The following PLIN4 variants were observed in gnomAD, a reference collection of about 807,000 sequenced individuals.
PLIN4 encodes perilipin 4, also known as perilipin-4.
PLIN4 carries 57 observed loss-of-function variants against 52.4 expected under a neutral mutation model. That is an observed-to-expected ratio of 1.09 (90% CI 0.88 to 1.36). The LOEUF (loss-of-function observed/expected upper bound fraction) is 1.36, where lower values mean the gene tolerates loss of function less well. PLIN4 is among the 40% of genes most tolerant of loss of function. The pLI is 0.00. For synonymous variants in PLIN4, 826 were observed against 785.4 expected (o/e 1.05, Z -0.86); for missense variants, 1,757 against 1,770.3 (o/e 0.99, Z 0.13).
Position 4,510,430 on chromosome 19 carries a change from C to G in PLIN4, c.3514+16G>C, listed in dbSNP as rs1356397360. 7.1e-7 allele frequency: 1 copy of G among 1,399,794 alleles called. No individual in the cohort carries two copies. The highest frequency in any genetic ancestry group is 9.3e-7 in the Non-Finnish European group (1 of 1,072,566). The allele number at this position is 1,399,794 out of a possible 1,614,324, so 86.7% of individuals were successfully genotyped here. On this transcript the variant is annotated intron_variant, in intron 5 of 7. Coordinates refer to ENST00000301286, the MANE Select transcript of PLIN4 (RefSeq NM_001367868.2). ...GTGCCTGCCTCAGGGACCCATGAACCCAGGCGTCCCCTCACCTTGCTCCTC... is the reference window on the plus strand; with the variant it reads ...GTGCCTGCCTCAGGGACCCATGAACGCAGGCGTCCCCTCACCTTGCTCCTC...
chr19:4,502,282 T>G lies in PLIN4; in HGVS notation c.*2177A>C. The G allele has an allele frequency of 1.9e-6, 1 of 522,502 alleles. No individual in the cohort carries two copies. Among genetic ancestry groups the G allele is most frequent in the South Asian group, 1.8e-5 (1 of 56,710 alleles). 32.4% of individuals were successfully genotyped at this position (522,502 alleles called of 1,614,324 possible). On this transcript the variant is annotated 3_prime_UTR_variant, in exon 8 of 8. Coordinates refer to ENST00000301286, the MANE Select transcript of PLIN4 (RefSeq NM_001367868.2). Reference sequence around the variant, plus strand: ...GCCTGAGCTGGGGCGCAGGCGGCAGTGTCACTGGGCCCGTTTGGGACTGGG... The same window carrying G: ...GCCTGAGCTGGGGCGCAGGCGGCAGGGTCACTGGGCCCGTTTGGGACTGGG...
At position 4,517,704 on chromosome 19, in the gene PLIN4, TG is replaced by T. The variant is rs1475802719; in HGVS notation, c.52-7del. ...CCAAAGAAGCTGCCCAGGGTCTGCATGGGGGCGGGGGGTGTGCAGGATGAGC... is the reference window on the plus strand; with the variant it reads ...CCAAAGAAGCTGCCCAGGGTCTGCATGGGGCGGGGGGTGTGCAGGATGAGC... On this transcript the variant is annotated splice_polypyrimidine_tract_variant and splice_region_variant and intron_variant, in intron 2 of 7. Coordinates refer to ENST00000301286, the MANE Select transcript of PLIN4 (RefSeq NM_001367868.2). 7 of 1,578,576 alleles carry T rather than the reference TG, an allele frequency of 4.4e-6. No homozygotes were observed. Among genetic ancestry groups the T allele is most frequent in the East Asian group, 2.3e-5 (1 of 43,128 alleles).
rs747925573 is a variant in PLIN4, at chr19:4,511,445, C to T, written c.2515G>A (p.Ala839Thr). 5.9e-6 allele frequency: 9 copies of T among 1,533,254 alleles called. No homozygotes were observed. Among genetic ancestry groups the T allele is most frequent in the Non-Finnish European group, 8.0e-6 (9 of 1,121,504 alleles). The allele number at this position is 1,533,254 out of a possible 1,614,324, so 95.0% of individuals were successfully genotyped here. A position where few individuals can be genotyped will look rare whatever the true frequency, so the allele number is the denominator to read the frequency against. ...ACAGCACCCTTGGCCACGTTCGCAG[C>T]ACCGGTGACCCCACTGCAGACAGTG... is the stretch of plus-strand genomic sequence containing the variant. ...KDTVCSGVTG[A>T]ANVAKGAVQT... Residue 839 changes from alanine (A) to threonine (T), a missense_variant, in exon 5 of 8, where the codon GCT becomes ACT. Transcript: ENST00000301286.
intron 4 of PLIN4, among the ~76,000 whole-genome samples, 165 bp from the exon 5 acceptor site, chr19:4,513,866 G>A (rs758211539): frequency 3.3e-5 from 5 of 152,158 alleles, no homozygotes; most frequent in African/African-American, 9.7e-5. Context: ...CCCCGACCCC[G>A]GTCAGCCAGA....
At chr19:4,508,683 G>A (rs910402836) in intron 6 of PLIN4, 85 bp downstream of exon 6, 2 of 1,378,538 alleles carry the variant, frequency 1.5e-6, no homozygotes, top group Non-Finnish European at 2.0e-6. Context: ...TAGGTGCTCA[G>A]TCAGTATCTG....
In PLIN4 at chr19:4,504,220, A is replaced by G; in HGVS notation, c.*239T>C. 1 of 445,666 alleles carries G rather than the reference A, an allele frequency of 2.2e-6. No homozygotes were observed. Among genetic ancestry groups the G allele is most frequent in the Non-Finnish European group, 3.9e-6 (1 of 253,664 alleles). 27.6% of individuals were successfully genotyped at this position (445,666 alleles called of 1,614,324 possible). On this transcript the variant is annotated 3_prime_UTR_variant, in exon 8 of 8. Coordinates refer to ENST00000301286, the MANE Select transcript of PLIN4 (RefSeq NM_001367868.2). Reference sequence around the variant, plus strand: ...GGTCTGAGTGACCCCAGGCTCCGAGAGGGGCAGGCAGCGCTGGGGAGGAGG... The same window carrying G: ...GGTCTGAGTGACCCCAGGCTCCGAGGGGGGCAGGCAGCGCTGGGGAGGAGG...
In PLIN4 at chr19:4,517,521, C is replaced by T. The variant is rs553807519; in HGVS notation, c.196+33G>A. On this transcript the variant is annotated intron_variant, in intron 3 of 7. Transcript: ENST00000301286. ...CTTCTCCCAGGTCCATGTGTAGAGT[C>T]CCCCCACGCCCCCAGCTGGGCCAGC... 12 of 1,586,516 alleles carry T rather than the reference C, an allele frequency of 7.6e-6. No homozygotes were observed. The East Asian group carries it at 2.0e-4, about 27-fold the overall frequency.
chr19:4,513,300 G>C lies in PLIN4; in HGVS notation c.660C>G (p.Val220=). Residue 220 remains valine (V), a synonymous_variant, in exon 5 of 8, where the codon GTC becomes GTG. Transcript: ENST00000301286. ...CCTTGGAGGTTTCCACGCCAGTCTG[G>C]ACAGTCCCTTTGGCCAAGTTCACTG... The part of the protein sequence containing the change: ...MGAVNLAKGT[V]QTGVETSKAV... The C allele has an allele frequency of 1.2e-6, 2 of 1,613,574 alleles. No individual in the cohort carries two copies. Among genetic ancestry groups the C allele is most frequent in the Non-Finnish European group, 8.5e-7 (1 of 1,179,824 alleles).
rs1975961115 is a variant in PLIN4, at chr19:4,502,751, A to G, written c.*1708T>C. ...TCGGGGCTTCTCTTTCCTCCTCTGC[A>G]TAAGGGGCTGTCACGTGGGCACGGT... On this transcript the variant is annotated 3_prime_UTR_variant, in exon 8 of 8. Coordinates refer to ENST00000301286, the MANE Select transcript of PLIN4 (RefSeq NM_001367868.2). 1 of 154,810 alleles carries G rather than the reference A, an allele frequency of 6.5e-6. No individual in the cohort carries two copies. The highest frequency in any genetic ancestry group is 6.5e-5 in the Admixed American group (1 of 15,292). The allele number at this position is 154,810 out of a possible 1,614,324, so 9.6% of individuals were successfully genotyped here. A position where few individuals can be genotyped will look rare whatever the true frequency, so the allele number is the denominator to read the frequency against.
chr19:4,513,549 C>T lies in PLIN4; in HGVS notation c.411G>A (p.Glu137=), dbSNP rs566277353. 19 of 1,607,636 alleles carry T rather than the reference C, an allele frequency of 1.2e-5. No individual in the cohort carries two copies. The highest frequency in any genetic ancestry group is 1.5e-5 in the Non-Finnish European group (18 of 1,177,054). Residue 137 remains glutamate, a synonymous_variant, in exon 5 of 8, where the codon GAG becomes GAA. Transcript: ENST00000301286. ...TTRSALTGTK[E]VVSSGVTGAM... ...CCCCTGTGACCCCGCTGGACACCACCTCCTTGGTGCCCGTAAGTGCAGACC... is the reference window on the plus strand; with the variant it reads ...CCCCTGTGACCCCGCTGGACACCACTTCCTTGGTGCCCGTAAGTGCAGACC...
At position 4,504,491 on chromosome 19, in the gene PLIN4, C is replaced by T; in HGVS notation, c.4084G>A (p.Gly1362Arg). 1 of 1,597,112 alleles carries T rather than the reference C, an allele frequency of 6.3e-7. No individual in the cohort carries two copies. The change falls in exon 8 of 8, where the codon GGG (glycine) becomes AGG (arginine). Residue 1362 changes from glycine to arginine, a missense_variant. Transcript: ENST00000301286. Reference sequence around the variant, plus strand: ...CCGCCAGCGGGCAAGGCGAAGGGCCCTACCAGCCAGCTGAGCGGGGGATTG... The same window carrying T: ...CCGCCAGCGGGCAAGGCGAAGGGCCTTACCAGCCAGCTGAGCGGGGGATTG... ...QHNPPLSWLV[G>R]PFALPAGGQ
At chr19:4,516,022 C>T (rs1426717845) in intron 4 of PLIN4, among the ~76,000 whole-genome samples, 2 of 152,190 alleles carry the variant, frequency 1.3e-5, no homozygotes, top group African/African-American at 4.8e-5. Flanking sequence ...TGCCTGTAAT[C>T]CCAGCACTTT....
intron 6 of PLIN4, among the ~76,000 whole-genome samples, chr19:4,508,378 T>C (rs1405788908): frequency 1.3e-5 from 2 of 152,210 alleles, no homozygotes; most frequent in African/African-American, 4.8e-5. Flanking sequence ...CAGATTCTCC[T>C]GCCTCAGCCT....
chr19:4,512,569 C>T lies in PLIN4; in HGVS notation c.1391G>A (p.Gly464Asp). Residue 464 changes from glycine to aspartate, a missense_variant, in exon 5 of 8, where the codon GGT becomes GAT. By Grantham distance (94) the Gly-to-Asp change is moderately conservative. This residue lies in a region of PLIN4 where 439 missense variants were observed against 406.4 expected (regional missense o/e 1.08). Transcript: ENST00000301286. ...GVDTTKIVLT[G>D]TKDTVCSGVT... ...CCCACTGCAGACAGTGTCCTTGGTACCAGTTAGAACGATCTTGGTGGTGTC... is the reference window on the plus strand; with the variant it reads ...CCCACTGCAGACAGTGTCCTTGGTATCAGTTAGAACGATCTTGGTGGTGTC... 1 of 1,610,868 alleles carries T rather than the reference C, an allele frequency of 6.2e-7. No individual in the cohort carries two copies. The highest frequency in any genetic ancestry group is 1.7e-4 in the Middle Eastern group (1 of 6,034).
chr19:4,508,731 C>A, intron 6 of PLIN4, 37 bp downstream of exon 6: 2 of 1,538,478 alleles, frequency 1.3e-6, no homozygotes, highest in Non-Finnish European at 1.8e-6. Flanking sequence ...CTAAGAAGTG[C>A]CCTGGGGACG....
Position 4,504,046 on chromosome 19 carries a change from C to A in PLIN4, c.*413G>T, listed in dbSNP as rs972171274. 7 of 166,588 alleles carry A rather than the reference C, an allele frequency of 4.2e-5. No homozygotes were observed. The highest frequency in any genetic ancestry group is 1.3e-4 in the Admixed American group (2 of 15,802). 10.3% of individuals were successfully genotyped at this position (166,588 alleles called of 1,614,324 possible). A position where few individuals can be genotyped will look rare whatever the true frequency, so the allele number is the denominator to read the frequency against. On this transcript the variant is annotated 3_prime_UTR_variant, in exon 8 of 8. Coordinates refer to ENST00000301286, the MANE Select transcript of PLIN4 (RefSeq NM_001367868.2). ...TGCCTGCACCGCTGATAGCTGGGGGCCCGTGCTGCAGGACTGGAAGAGCCC... is the reference window on the plus strand; with the variant it reads ...TGCCTGCACCGCTGATAGCTGGGGGACCGTGCTGCAGGACTGGAAGAGCCC...
rs568655153 is a variant in PLIN4 at position 4,502,395 on chromosome 19, G to A, written c.*2064C>T. 16 of 350,844 alleles carry A rather than the reference G, an allele frequency of 4.6e-5. No homozygotes were observed. Among genetic ancestry groups the A allele is most frequent in the Middle Eastern group, 9.9e-4 (1 of 1,006 alleles). 21.7% of individuals were successfully genotyped at this position (350,844 alleles called of 1,614,324 possible). On this transcript the variant is annotated 3_prime_UTR_variant, in exon 8 of 8. Transcript: ENST00000301286. The stretch of plus-strand genomic sequence containing the variant: ...AAGGCCAGTGGCAGGAGAGCTGGGC[G>A]GGAGCAAGCTCTTCCCAGGAGACAA...
Position 4,517,680 on chromosome 19 carries a change from C to G in PLIN4, c.70G>C (p.Gly24Arg). 1 of 1,596,868 alleles carries G rather than the reference C, an allele frequency of 6.3e-7. No individual in the cohort carries two copies. Residue 24 changes from glycine (G) to arginine (R), a missense_variant, in exon 3 of 8, where the codon GGG (glycine) becomes CGG (arginine). Gly to Arg is a moderately radical substitution (Grantham distance 125). Around this residue, in one of 7 missense-constraint regions of PLIN4, gnomAD observed 332 missense variants for 310.8 expected, o/e 1.07. Coordinates refer to ENST00000301286, the MANE Select transcript of PLIN4 (RefSeq NM_001367868.2). The stretch of plus-strand genomic sequence containing the variant: ...GCAGAGCTGAAGCCAGGCAGGGACC[C>G]AAAGAAGCTGCCCAGGGTCTGCATG... ...PKGKTLGSFF[G>R]SLPGFSSARN...
intron 4 of PLIN4, among the ~76,000 whole-genome samples, chr19:4,514,897 C>T (rs1470430628): frequency 6.6e-6 from 1 of 150,420 alleles, no homozygotes; most frequent in East Asian, 2.0e-4. Context: ...AAAAACAGGC[C>T]GGGCACGGTG....
Sources: allele counts gnomAD v4.1 joint callset (sites outside exome capture counted in the v4.1 genomes callset), GRCh38; gene constraint gnomAD v4.1.1; regional missense constraint gnomAD v4.1.1; transcripts MANE v1.5; gene names NCBI Gene and HGNC (gene_info 2026-07-23, HGNC 2026-07-21).